The following ADAMTS16 variants were observed in gnomAD, a reference collection of about 807,000 sequenced individuals.
The protein encoded by ADAMTS16 is ADAM metallopeptidase with thrombospondin type 1 motif 16, also known as A disintegrin and metalloproteinase with thrombospondin motifs 16.
Under a neutral mutation model 145.8 loss-of-function variants are expected in ADAMTS16, and 94 were observed. The observed-to-expected ratio is 0.64, with a 90% CI of 0.55 to 0.77. The LOEUF is 0.77. Among genes scored for constraint, ADAMTS16 ranks in the 30% least tolerant of loss-of-function variants. ADAMTS16 has a pLI of 0.00. For missense variants in ADAMTS16, 1,585 were observed against 1,591.5 expected (o/e 1.00, Z 0.07); for synonymous variants, 659 against 604.3 (o/e 1.09, Z -1.33).
intron 9 of ADAMTS16, among the ~76,000 whole-genome samples, chr5:5,206,771 C>T (rs775912219): frequency 2.4e-4 from 37 of 152,164 alleles, no homozygotes; most frequent in Admixed American, 1.4e-3. Flanking sequence ...TGTGAGCCAC[C>T]GCGCCCGGCA....
At chr5:5,288,695 A>AT (rs1326849599) in intron 18 of ADAMTS16, among the ~76,000 whole-genome samples, 4 of 152,168 alleles carry the variant, frequency 2.6e-5, no homozygotes, top group South Asian at 2.1e-4. Context: ...AAATGTATAC[A>AT]TTTTTTCTAG....
rs76140089 is a variant in ADAMTS16 at position 5,161,905 on chromosome 5, G to A, written c.501+15450G>A. Among the ~76,000 whole-genome samples the A allele has an allele frequency of 4.4e-3, 663 of 152,218 alleles. 10 individuals carry two copies. The highest frequency in any genetic ancestry group is 0.015 in the African/African-American group (638 of 41,518). Reference sequence around the variant, plus strand: ...GGACTGTGAAAGTTTTATGCAAAGGGCATTATTTATCTTACTGTTCTTTTT... The same window carrying A: ...GGACTGTGAAAGTTTTATGCAAAGGACATTATTTATCTTACTGTTCTTTTT... On this transcript the variant is annotated intron_variant, in intron 3 of 22. Transcript: ENST00000274181.
chr5:5,304,963 CCACACACA>C (rs139164157), intron 20 of ADAMTS16, among the ~76,000 whole-genome samples: 6 of 131,112 alleles, frequency 4.6e-5, no homozygotes, highest in South Asian at 2.5e-4. Flanking sequence ...ACATCCCACA[CCACACACA>C]CACACACACA....
chr5:5,200,045 T>G (rs1005143730), intron 8 of ADAMTS16, 87 bp from the exon 9 acceptor site: 10 of 1,453,700 alleles, frequency 6.9e-6, no homozygotes, highest in Non-Finnish European at 9.2e-6. Context: ...AGTCTCACAG[T>G]CTTGACTTGT....
Position 5,140,774 on chromosome 5 carries a change from C to T in ADAMTS16, c.175+8C>T, listed in dbSNP as rs564243924. Reference sequence around the variant, plus strand: ...GCTGGATGGAAAAGGGCGGTAAGTCCGTGAGGTGGGGGCTTCTAATCCTTG... The same window carrying T: ...GCTGGATGGAAAAGGGCGGTAAGTCTGTGAGGTGGGGGCTTCTAATCCTTG... On this transcript the variant is annotated splice_region_variant and intron_variant, in intron 2 of 22. Coordinates refer to ENST00000274181, the MANE Select transcript of ADAMTS16 (RefSeq NM_139056.4). 4 of 1,551,814 alleles carry T rather than the reference C, an allele frequency of 2.6e-6. No individual in the cohort carries two copies. The highest frequency in any genetic ancestry group is 2.4e-5 in the East Asian group (1 of 42,150).
intron 2 of ADAMTS16, among the ~76,000 whole-genome samples, chr5:5,143,940 T>A (rs1734229699): frequency 6.6e-6 from 1 of 151,820 alleles, no homozygotes; most frequent in Non-Finnish European, 1.5e-5. Context: ...TGAGAACATA[T>A]GGGCACAGGG....
chr5:5,234,016 C>G (rs1737018448), intron 12 of ADAMTS16, among the ~76,000 whole-genome samples: 1 of 152,220 alleles, frequency 6.6e-6, no homozygotes, highest in Non-Finnish European at 1.5e-5. Context: ...TATCTTTTAG[C>G]ATTTTAATAG....
chr5:5,232,741 C>T (rs978338655), intron 12 of ADAMTS16, among the ~76,000 whole-genome samples: 5 of 151,450 alleles, frequency 3.3e-5, no homozygotes, highest in African/African-American at 1.2e-4. Context: ...GTAGCTGGGA[C>T]TATAGGTGCC....
chr5:5,170,038 C>T (rs948402579), intron 3 of ADAMTS16, among the ~76,000 whole-genome samples: 6 of 152,076 alleles, frequency 3.9e-5, no homozygotes, highest in African/African-American at 7.2e-5. Flanking sequence ...GATATCTCTT[C>T]GATTTTCTTC....
At chr5:5,187,062 G>A (rs1005593187) in intron 5 of ADAMTS16, among the ~76,000 whole-genome samples, 1 of 152,146 alleles carries the variant, frequency 6.6e-6, no homozygotes, top group Non-Finnish European at 1.5e-5. Flanking sequence ...CCACCTTCCC[G>A]CTGCACGGGG....
At chr5:5,315,462 C>A (rs866285967) in intron 21 of ADAMTS16, among the ~76,000 whole-genome samples, 15 of 144,082 alleles carry the variant, frequency 1.0e-4, no homozygotes, top group African/African-American at 2.3e-4. Context: ...AAAAAAAAAA[C>A]CAATGGCTAG....
At chr5:5,224,851 T>G (rs1736713974) in intron 11 of ADAMTS16, among the ~76,000 whole-genome samples, 1 of 152,216 alleles carries the variant, frequency 6.6e-6, no homozygotes, top group Non-Finnish European at 1.5e-5. Flanking sequence ...CATCCTGCTT[T>G]CTGTGTGGTC....
intron 16 of ADAMTS16, among the ~76,000 whole-genome samples, chr5:5,240,656 G>T (rs1388249801): frequency 6.6e-6 from 1 of 152,092 alleles, no homozygotes; most frequent in East Asian, 1.9e-4. Context: ...ACCCCCACCT[G>T]TTCCCTGGGA....
intron 11 of ADAMTS16, among the ~76,000 whole-genome samples, chr5:5,227,637 C>T (rs1215980381): frequency 2.0e-5 from 3 of 151,626 alleles, no homozygotes; most frequent in African/African-American, 7.3e-5. Context: ...TGTTTTAATA[C>T]TTTTTAAAAG....
intron 11 of ADAMTS16, among the ~76,000 whole-genome samples, chr5:5,226,915 G>A (rs1159121499): frequency 6.6e-6 from 1 of 152,178 alleles, no homozygotes; most frequent in African/African-American, 2.4e-5. Context: ...GAAATCCAGG[G>A]CAAGGGGTGG....
At chr5:5,158,672 A>C (rs188948730) in intron 3 of ADAMTS16, among the ~76,000 whole-genome samples, 1 of 152,220 alleles carries the variant, frequency 6.6e-6, no homozygotes, top group African/African-American at 2.4e-5. Context: ...TTCTAGTTAC[A>C]GATAAAGAAA....
chr5:5,311,300 CAAAA>C (rs57267931), intron 21 of ADAMTS16, among the ~76,000 whole-genome samples: 26 of 128,032 alleles, frequency 2.0e-4, no homozygotes, highest in African/African-American at 4.2e-4. Flanking sequence ...TTGACATAGG[CAAAA>C]AAAAAAAAAA....
At chr5:5,263,901 A>T (rs1325847545) in intron 18 of ADAMTS16, among the ~76,000 whole-genome samples, 1 of 152,172 alleles carries the variant, frequency 6.6e-6, no homozygotes, top group African/African-American at 2.4e-5. Context: ...AAGAAGAATG[A>T]GGTCATGCTT....
intron 8 of ADAMTS16, among the ~76,000 whole-genome samples, chr5:5,198,563 C>CA (rs1473832482): frequency 6.6e-6 from 1 of 152,164 alleles, no homozygotes; most frequent in Non-Finnish European, 1.5e-5. Flanking sequence ...AGTCTTTCTC[C>CA]AGTCCTCGGT....
Sources: allele counts gnomAD v4.1 joint callset (sites outside exome capture counted in the v4.1 genomes callset), GRCh38; gene constraint gnomAD v4.1.1; transcripts MANE v1.5; gene names NCBI Gene and HGNC (gene_info 2026-07-23, HGNC 2026-07-21).